MAPK4: variants seen among roughly 807,000 people sequenced by gnomAD.
MAPK4 encodes mitogen-activated protein kinase 4.
MAPK4 carries 22 observed loss-of-function variants against 47.7 expected under a neutral mutation model. The ratio of observed to expected loss-of-function variants is 0.46; its 90% CI spans 0.33 to 0.66. The LOEUF is 0.66. MAPK4 is among the 30% of genes least tolerant of loss of function. MAPK4 has a pLI of 0.02. For synonymous variants in MAPK4, 390 were observed against 365.7 expected (o/e 1.07, Z -0.76); for missense variants, 736 against 831.7 (o/e 0.88, Z 1.42).
At chr18:50,609,248 G>A (rs12954097) in intron 1 of MAPK4, among the ~76,000 whole-genome samples, 112,118 of 150,292 alleles carry the variant, frequency 0.75, 41,740 homozygotes, top group Admixed American at 0.79. Context: ...CCTCCCACAC[G>A]GGGTGGCGGC....
intron 1 of MAPK4, among the ~76,000 whole-genome samples, chr18:50,592,869 CAGAG>C (rs1305349620): frequency 6.6e-6 from 1 of 152,190 alleles, no homozygotes; most frequent in Non-Finnish European, 1.5e-5. Context: ...TTGGAACACT[CAGAG>C]AGTTAAAACT....
chr18:50,711,352 G>A (rs1910348746), intron 2 of MAPK4, among the ~76,000 whole-genome samples: 1 of 152,228 alleles, frequency 6.6e-6, no homozygotes, highest in Non-Finnish European at 1.5e-5. Flanking sequence ...GTCTAGAAAG[G>A]AAACCATGTT....
chr18:50,688,889 T>TAAAAAAAA (rs35330620), intron 2 of MAPK4, among the ~76,000 whole-genome samples: 13 of 115,814 alleles, frequency 1.1e-4, no homozygotes, highest in East Asian at 2.6e-4. Flanking sequence ...CCTATGGAAA[T>TAAAAAAAA]AAAAAAAAAA....
chr18:50,632,964 A>T (rs4939997), intron 1 of MAPK4, among the ~76,000 whole-genome samples: 4 of 150,448 alleles, frequency 2.7e-5, no homozygotes, highest in Non-Finnish European at 2.9e-5. Context: ...ACAATGCTAT[A>T]AAAACACAAT....
At chr18:50,709,922 C>T (rs538734435) in intron 2 of MAPK4, among the ~76,000 whole-genome samples, 9 of 152,148 alleles carry the variant, frequency 5.9e-5, no homozygotes, top group Admixed American at 3.9e-4. Context: ...GTGAAATGCT[C>T]TTTGAAGACA....
chr18:50,696,900 G>A (rs1460700899), intron 2 of MAPK4, among the ~76,000 whole-genome samples: 1 of 151,944 alleles, frequency 6.6e-6, no homozygotes, highest in Non-Finnish European at 1.5e-5. Flanking sequence ...CGGCACTTGA[G>A]CACCTGGAGA....
intron 2 of MAPK4, 148 bp from the exon 3 acceptor site, chr18:50,714,931 C>T (rs925741084): frequency 2.6e-6 from 2 of 761,796 alleles, no homozygotes; most frequent in East Asian, 2.7e-5. Flanking sequence ...TCTGTTCACT[C>T]ATGCTCCTTC....
At chr18:50,657,313 C>A (rs1183083418) in intron 1 of MAPK4, among the ~76,000 whole-genome samples, 1 of 152,298 alleles carries the variant, frequency 6.6e-6, no homozygotes, top group Middle Eastern at 3.4e-3. Flanking sequence ...GATGACATCA[C>A]CTCCTGGGAC....
intron 3 of MAPK4, 70 bp from the exon 4 acceptor site, chr18:50,721,868 C>T: frequency 6.5e-7 from 1 of 1,534,916 alleles, no homozygotes; most frequent in Admixed American, 1.7e-5. Context: ...ACACCTGGCA[C>T]TGCTTTTGGG....
chr18:50,608,480 T>G (rs2042602251), intron 1 of MAPK4, among the ~76,000 whole-genome samples: 1 of 152,164 alleles, frequency 6.6e-6, no homozygotes, highest in East Asian at 1.9e-4. Flanking sequence ...ACAGATCCAC[T>G]TCCTTTTTTT....
chr18:50,642,903 C>A (rs2042953317), intron 1 of MAPK4, among the ~76,000 whole-genome samples: 1 of 152,206 alleles, frequency 6.6e-6, no homozygotes, highest in East Asian at 1.9e-4. Flanking sequence ...CCACGCCTGT[C>A]CTGCAGCATA....
intron 1 of MAPK4, among the ~76,000 whole-genome samples, chr18:50,591,901 G>A (rs1402368836): frequency 1.3e-5 from 2 of 152,098 alleles, no homozygotes; most frequent in East Asian, 3.9e-4. Context: ...TTCATCATAA[G>A]CACCTCATGA....
chr18:50,621,583 C>T (rs1237104359), intron 1 of MAPK4, among the ~76,000 whole-genome samples: 4 of 152,166 alleles, frequency 2.6e-5, no homozygotes, highest in African/African-American at 9.7e-5. Flanking sequence ...TTGGCCAGAT[C>T]CACTAAACAT....
chr18:50,595,049 A>G (rs1595380), intron 1 of MAPK4, among the ~76,000 whole-genome samples: 7 of 152,238 alleles, frequency 4.6e-5, no homozygotes, highest in Non-Finnish European at 8.8e-5. Flanking sequence ...AAAGACTGGC[A>G]ACGCCGGATG....
At chr18:50,573,596 C>T (rs764370056) in intron 1 of MAPK4, among the ~76,000 whole-genome samples, 21 of 152,224 alleles carry the variant, frequency 1.4e-4, no homozygotes, top group Non-Finnish European at 3.1e-4. Context: ...TCAGGGCTCT[C>T]ACTGATTCTA....
At chr18:50,632,616 A>AT (rs10531891) in intron 1 of MAPK4, among the ~76,000 whole-genome samples, 39,077 of 122,174 alleles carry the variant, frequency 0.32, 6,547 homozygotes, top group East Asian at 0.47. Context: ...GTCTGGTTTA[A>AT]TTTTTTTTTT....
At chr18:50,655,114 G>A (rs2043094521) in intron 1 of MAPK4, among the ~76,000 whole-genome samples, 2 of 152,176 alleles carry the variant, frequency 1.3e-5, no homozygotes, top group African/African-American at 4.8e-5. Context: ...CCACAGGCGT[G>A]TTCTTTAGAA....
At chr18:50,723,864 C>CA (rs34529419) in intron 4 of MAPK4, among the ~76,000 whole-genome samples, 42,044 of 131,830 alleles carry the variant, frequency 0.32, 7,470 homozygotes, top group East Asian at 0.52. Context: ...GACCCTGTCT[C>CA]AAAAAAAAAA....
At chr18:50,564,800 C>T (rs544228069) in intron 1 of MAPK4, among the ~76,000 whole-genome samples, 1 of 152,216 alleles carries the variant, frequency 6.6e-6, no homozygotes, top group Admixed American at 6.5e-5. Context: ...CAAGATCATC[C>T]CCGCCTGCTG....
Sources: allele counts gnomAD v4.1 joint callset (sites outside exome capture counted in the v4.1 genomes callset), GRCh38; gene constraint gnomAD v4.1.1; transcripts MANE v1.5; gene names NCBI Gene and HGNC (gene_info 2026-07-23, HGNC 2026-07-21).